ABI3BP: variants seen among roughly 807,000 people sequenced by gnomAD.
ABI3BP encodes target of Nesh-SH3.
A neutral mutation model predicts 268.6 loss-of-function variants in ABI3BP; 216 were observed. That is an observed-to-expected ratio of 0.80 (90% confidence interval 0.72 to 0.90). The LOEUF (loss-of-function observed/expected upper bound fraction) is 0.90. ABI3BP is among the 40% of genes least tolerant of loss of function. ABI3BP has a pLI of 0.00. For missense variants in ABI3BP, 2,090 were observed against 2,182.4 expected, an observed-to-expected ratio of 0.96 and a Z score of 0.84; for synonymous variants, 730 against 730.0, an observed-to-expected ratio of 1.00 and a Z score of 0.00.
At chr3:100,942,256 C>T (rs572594131) in intron 1 of ABI3BP, among the ~76,000 whole-genome samples, 29 of 151,964 alleles carry the variant, frequency 1.9e-4, no homozygotes, top group African/African-American at 5.5e-4. Flanking sequence ...AGTAAAATAA[C>T]GCTACAATTG....
At chr3:100,845,345 C>T (rs1383761637) in intron 20 of ABI3BP, among the ~76,000 whole-genome samples, 2 of 152,178 alleles carry the variant, frequency 1.3e-5, no homozygotes, top group African/African-American at 4.8e-5. Flanking sequence ...TTGGAGACCT[C>T]ATCCATGGTC....
intron 1 of ABI3BP, among the ~76,000 whole-genome samples, chr3:100,949,943 C>T (rs1014870630): frequency 6.6e-6 from 1 of 152,156 alleles, no homozygotes; most frequent in Non-Finnish European, 1.5e-5. Flanking sequence ...ATTTACTATC[C>T]AAATGTCACC....
intron 2 of ABI3BP, among the ~76,000 whole-genome samples, chr3:100,915,668 G>T (rs542930207): frequency 6.6e-6 from 1 of 152,114 alleles, no homozygotes; most frequent in African/African-American, 2.4e-5. Flanking sequence ...AAAATAAAAC[G>T]GAAAGATAAG....
chr3:100,841,167 G>GTAATTGGCT (rs1025785871), intron 21 of ABI3BP, among the ~76,000 whole-genome samples: 1 of 137,498 alleles, frequency 7.3e-6, no homozygotes, highest in African/African-American at 2.7e-5. Context: ...GAAAATATGG[G>GTAATTGGCT]TAATTGGCTA....
chr3:100,988,136 G>A (rs775567479), intron 1 of ABI3BP, among the ~76,000 whole-genome samples: 2 of 152,128 alleles, frequency 1.3e-5, no homozygotes, highest in Non-Finnish European at 2.9e-5. Flanking sequence ...TAAGATGGAC[G>A]AGATCCTCTG....
At chr3:100,869,544 G>A (rs934434767) in intron 9 of ABI3BP, among the ~76,000 whole-genome samples, 6 of 151,600 alleles carry the variant, frequency 4.0e-5, no homozygotes, top group Non-Finnish European at 8.8e-5. Context: ...TTGCAAAAAC[G>A]GGATCTCACT....
At chr3:100,835,928 A>G (rs948676791) in intron 27 of ABI3BP, among the ~76,000 whole-genome samples, 4 of 152,192 alleles carry the variant, frequency 2.6e-5, no homozygotes, top group Non-Finnish European at 4.4e-5. Flanking sequence ...CCTGGATCCA[A>G]GAAAATCTTA....
chr3:100,773,283 A>G (rs755734124), intron 61 of ABI3BP, among the ~76,000 whole-genome samples: 1 of 152,146 alleles, frequency 6.6e-6, no homozygotes, highest in Non-Finnish European at 1.5e-5. Context: ...AACATTAAAC[A>G]AGCAACTCCA....
intron 22 of ABI3BP, 30 bp from the exon 23 acceptor site, chr3:100,840,194 A>G (rs2098670839): frequency 6.8e-7 from 1 of 1,472,722 alleles, no homozygotes; most frequent in Admixed American, 2.2e-5. Flanking sequence ...AAGTTAATAC[A>G]AGAAGGGTGG....
intron 1 of ABI3BP, among the ~76,000 whole-genome samples, chr3:100,980,332 G>A (rs1038186623): frequency 3.3e-5 from 5 of 152,012 alleles, no homozygotes; most frequent in Non-Finnish European, 7.4e-5. Flanking sequence ...CCCGGTTCAC[G>A]CCATTCTCCC....
chr3:100,977,566 C>T lies in ABI3BP; in HGVS notation c.79+15740G>A, dbSNP rs577856709. 2.6e-5 allele frequency among the ~76,000 whole-genome samples: 4 copies of T among 152,290 alleles called. No homozygotes were observed. In the East Asian group the frequency reaches 5.8e-4, roughly 22 times the overall value. Reference sequence around the variant, plus strand: ...CCTTGTGGACCTCTCCATAGATCTGCGTGAGTGTTTCATGACACATCAGCT... The same window carrying T: ...CCTTGTGGACCTCTCCATAGATCTGTGTGAGTGTTTCATGACACATCAGCT... On this transcript the variant is annotated intron_variant, in intron 1 of 67. Coordinates refer to ENST00000471714, the MANE Select transcript of ABI3BP (RefSeq NM_001375547.2).
At chr3:100,989,245 T>C (rs937568041) in intron 1 of ABI3BP, among the ~76,000 whole-genome samples, 1 of 152,194 alleles carries the variant, frequency 6.6e-6, no homozygotes, top group Non-Finnish European at 1.5e-5. Context: ...AATAAACTTC[T>C]GTTCTTTGCA....
At chr3:100,932,987 G>A (rs1399317335) in intron 1 of ABI3BP, among the ~76,000 whole-genome samples, 1 of 151,974 alleles carries the variant, frequency 6.6e-6, no homozygotes, top group East Asian at 1.9e-4. Flanking sequence ...AATCCATTTA[G>A]TAGGAGGAAT....
At chr3:100,843,464 T>A (rs1476015527) in intron 20 of ABI3BP, among the ~76,000 whole-genome samples, 1 of 136,936 alleles carries the variant, frequency 7.3e-6, no homozygotes, top group Non-Finnish European at 1.6e-5. Flanking sequence ...GGAGGGAGAG[T>A]GTGTGTATGT....
chr3:100,755,877 TTAAA>T (rs766011483), intron 63 of ABI3BP, among the ~76,000 whole-genome samples: 9 of 152,196 alleles, frequency 5.9e-5, no homozygotes, highest in Non-Finnish European at 7.3e-5. Flanking sequence ...AAGTTTATAA[TTAAA>T]TAAGAATGCA....
chr3:100,821,792 AG>A (rs2098237692), intron 38 of ABI3BP, among the ~76,000 whole-genome samples: 1 of 151,538 alleles, frequency 6.6e-6, no homozygotes. Flanking sequence ...TAGTAGAGAC[AG>A]GGTTTCACCA....
chr3:100,808,757 A>C (rs1164512699), intron 49 of ABI3BP, among the ~76,000 whole-genome samples: 1 of 152,090 alleles, frequency 6.6e-6, no homozygotes, highest in Non-Finnish European at 1.5e-5. Context: ...TTGAACACCA[A>C]GGATATTTTC....
chr3:100,782,086 T>G (rs544573914), intron 57 of ABI3BP, among the ~76,000 whole-genome samples: 1 of 152,358 alleles, frequency 6.6e-6, no homozygotes, highest in East Asian at 1.9e-4. Context: ...CCCTCTACTC[T>G]GTCTCTTGGG....
chr3:100,831,653 C>A (rs1198909388), intron 31 of ABI3BP, among the ~76,000 whole-genome samples: 1 of 152,112 alleles, frequency 6.6e-6, no homozygotes, highest in African/African-American at 2.4e-5. Context: ...AACGAGTTAT[C>A]CTCTGTCTGG....
Sources: gnomAD v4.1 joint callset for allele counts (sites outside exome capture counted in the v4.1 genomes callset) on GRCh38, gnomAD v4.1.1 for gene constraint, MANE v1.5 for transcripts, NCBI Gene and HGNC (gene_info 2026-07-23, HGNC 2026-07-21) for gene names.